The following CTNNA2 variants were observed in gnomAD, a reference collection of about 807,000 sequenced individuals.
CTNNA2 encodes the protein catenin alpha-2.
CTNNA2 carries 42 observed loss-of-function variants against 101.0 expected under a neutral mutation model. The ratio of observed to expected loss-of-function variants is 0.42; its 90% CI spans 0.32 to 0.54. The LOEUF (loss-of-function observed/expected upper bound fraction) is 0.54, where lower values mean the gene tolerates loss of function less well. Among genes scored for constraint, CTNNA2 ranks in the 20% least tolerant of loss-of-function variants. The pLI is 0.14. For synonymous variants in CTNNA2, 450 were observed against 456.4 expected (o/e 0.99, Z 0.18); for missense variants, 871 against 1,223.1 (o/e 0.71, Z 4.29).
intron 4 of CTNNA2, among the ~76,000 whole-genome samples, chr2:79,388,277 C>T (rs545470932): frequency 1.3e-5 from 2 of 152,250 alleles, no homozygotes; most frequent in African/African-American, 4.8e-5. Context: ...GAGTAGGTCA[C>T]TGTTCCAAAG....
chr2:79,941,508 C>T (rs1189062590), intron 7 of CTNNA2, among the ~76,000 whole-genome samples: 1 of 152,180 alleles, frequency 6.6e-6, no homozygotes, highest in Non-Finnish European at 1.5e-5. Context: ...GGTATTGCCC[C>T]ACAAGTAGCA....
In CTNNA2 at chr2:80,512,098, C is replaced by T. The variant is rs910393823; in HGVS notation, c.1291-32884C>T. 5.6e-5 allele frequency among the ~76,000 whole-genome samples: 8 copies of T among 141,966 alleles called. No homozygotes were observed. In the East Asian group the frequency reaches 1.0e-3, roughly 18 times the overall value. The allele number at this position is 141,966 out of a possible 152,430, so 93.1% of individuals were successfully genotyped here. A position where few individuals can be genotyped will look rare whatever the true frequency, so the allele number is the denominator to read the frequency against. On this transcript the variant is annotated intron_variant, in intron 9 of 18. Transcript: ENST00000402739. ...CCAGGAGGTAAAGGTTGCAGTGAGC[C>T]GAGATCACACCACTGCACTCCAGCC... is the stretch of plus-strand genomic sequence containing the variant.
chr2:79,651,226 C>A (rs1681224586), intron 1 of CTNNA2, among the ~76,000 whole-genome samples: 2 of 152,076 alleles, frequency 1.3e-5, no homozygotes, highest in Admixed American at 6.6e-5. Flanking sequence ...TACTTGAAAG[C>A]AAGACTGAAA....
At position 79,762,143 on chromosome 2, in the gene CTNNA2, G is replaced by A. The variant is rs1573903375; in HGVS notation, c.298+17561G>A. Among the ~76,000 whole-genome samples, 5 of 152,238 alleles carry A rather than the reference G, an allele frequency of 3.3e-5. No homozygotes were observed. The South Asian group carries it at 8.3e-4, about 25-fold the overall frequency. On this transcript the variant is annotated intron_variant, in intron 3 of 18. Transcript: ENST00000402739. The stretch of plus-strand genomic sequence containing the variant: ...AGGAAACAAAATCTTCAAATTTGAT[G>A]TTCTCTAATATTTCTTGGAACCATA...
chr2:80,539,707 A>G (rs1691373571), intron 9 of CTNNA2, among the ~76,000 whole-genome samples: 1 of 152,172 alleles, frequency 6.6e-6, no homozygotes, highest in Admixed American at 6.6e-5. Context: ...CAGATCCATT[A>G]TGCTCTCAGA....
chr2:79,189,125 C>G lies in CTNNA2; in HGVS notation c.-524+3694C>G, dbSNP rs147721719. Among the ~76,000 whole-genome samples the G allele has an allele frequency of 4.6e-3, 693 of 152,252 alleles. 4 individuals carry two copies. Among genetic ancestry groups the G allele is most frequent in the African/African-American group, 0.016 (663 of 41,546 alleles). ...TGCTGGTTAGACCCACGTTGGCACA[C>G]AGGACTCTACTCAATAAAGGAATAA... On this transcript the variant is annotated intron_variant, in intron 1 of 21. Coordinates refer to the CTNNA2 transcript ENST00000466387.
At chr2:80,124,167 A>C (rs1701995718) in intron 7 of CTNNA2, among the ~76,000 whole-genome samples, 1 of 152,148 alleles carries the variant, frequency 6.6e-6, no homozygotes, top group African/African-American at 2.4e-5. Flanking sequence ...CACTGAGCGA[A>C]GTCTTGGTGG....
chr2:79,508,975 A>G (rs1671473495), upstream of CTNNA2, among the ~76,000 whole-genome samples: 1 of 33,338 alleles, frequency 3.0e-5, no homozygotes, highest in Non-Finnish European at 5.9e-5. Flanking sequence ...ATATATATAT[A>G]TATATATATA....
At chr2:80,287,646 A>AT (rs1433592667) in intron 7 of CTNNA2, among the ~76,000 whole-genome samples, 14 of 152,172 alleles carry the variant, frequency 9.2e-5, no homozygotes, top group Admixed American at 9.2e-4. Context: ...TGAAAGTCGA[A>AT]TTTTTAAGCC....
chr2:79,310,269 G>T (rs571216211), intron 2 of CTNNA2, among the ~76,000 whole-genome samples: 269 of 152,198 alleles, frequency 1.8e-3, no homozygotes, highest in African/African-American at 6.3e-3. Flanking sequence ...TAAAATATTT[G>T]GTATATTCCT....
intron 1 of CTNNA2, among the ~76,000 whole-genome samples, chr2:79,623,929 C>A (rs1471783908): frequency 6.6e-6 from 1 of 152,128 alleles, no homozygotes; most frequent in Non-Finnish European, 1.5e-5. Context: ...AGTAGTAGCT[C>A]TGTAACTTGA....
chr2:79,667,225 A>C (rs1682482986), intron 2 of CTNNA2, among the ~76,000 whole-genome samples: 1 of 152,218 alleles, frequency 6.6e-6, no homozygotes, highest in Admixed American at 6.5e-5. Flanking sequence ...AACTGGTGGC[A>C]GCCTTCATGT....
intron 8 of CTNNA2, among the ~76,000 whole-genome samples, chr2:80,408,219 C>T (rs568082068): frequency 1.3e-5 from 2 of 152,208 alleles, no homozygotes; most frequent in Admixed American, 1.3e-4. Flanking sequence ...CTTCTAAGAC[C>T]CACAGGACTT....
chr2:80,079,738 C>G (rs56272312), intron 7 of CTNNA2, among the ~76,000 whole-genome samples: 1 of 151,438 alleles, frequency 6.6e-6, no homozygotes, highest in Non-Finnish European at 1.5e-5. Flanking sequence ...GGCGTGAACC[C>G]GGGAGGCGGA....
At chr2:80,616,052 T>G (rs1220683030) in intron 17 of CTNNA2, among the ~76,000 whole-genome samples, 1 of 151,726 alleles carries the variant, frequency 6.6e-6, no homozygotes, top group Admixed American at 6.6e-5. Context: ...TAGTTTTCTC[T>G]GAACACCTTC....
At chr2:79,916,390 T>C (rs941062051) in intron 7 of CTNNA2, among the ~76,000 whole-genome samples, 1 of 152,052 alleles carries the variant, frequency 6.6e-6, no homozygotes, top group East Asian at 1.9e-4. Context: ...TTCTTCTCTT[T>C]CCTGTTCTCT....
intron 7 of CTNNA2, among the ~76,000 whole-genome samples, chr2:80,290,842 G>GA (rs1270259854): frequency 6.6e-6 from 1 of 151,878 alleles, no homozygotes; most frequent in African/African-American, 2.4e-5. Flanking sequence ...GGGAGGGAAA[G>GA]AAAAAATGAA....
chr2:80,551,288 T>C (rs1232331539), intron 11 of CTNNA2, among the ~76,000 whole-genome samples: 1 of 152,186 alleles, frequency 6.6e-6, no homozygotes, highest in Non-Finnish European at 1.5e-5. Flanking sequence ...AGAGTAGATT[T>C]AGCATAACTC....
At chr2:79,857,580 T>C (rs1406587015) in intron 3 of CTNNA2, among the ~76,000 whole-genome samples, 1 of 152,204 alleles carries the variant, frequency 6.6e-6, no homozygotes, top group African/African-American at 2.4e-5. Flanking sequence ...ACAGTGTTAA[T>C]GAGGCCAAGG....
Sources: allele counts gnomAD v4.1 joint callset (sites outside exome capture counted in the v4.1 genomes callset), GRCh38; gene constraint gnomAD v4.1.1; transcripts MANE v1.5; gene names NCBI Gene and HGNC (gene_info 2026-07-23, HGNC 2026-07-21).